Variants in ADCY8 observed in about 807,000 individuals in gnomAD.
ADCY8 encodes adenylate cyclase 8, also known as adenylate cyclase type 8.
In ADCY8, 51 loss-of-function variants were observed where a neutral mutation model predicts 119.7. The observed-to-expected ratio is 0.43, with a 90% CI of 0.34 to 0.54. The LOEUF (loss-of-function observed/expected upper bound fraction) is 0.54. Ranked by LOEUF, ADCY8 falls within the 20% of genes least tolerant of loss-of-function variation. ADCY8 has a pLI of 0.03. For synonymous variants in ADCY8, 665 were observed against 651.0 expected (o/e 1.02, Z -0.33); for missense variants, 1,383 against 1,598.8 (o/e 0.87, Z 2.30).
rs551950060 is a variant in ADCY8 at position 130,822,155 on chromosome 8, G to A, written c.2676-735C>T. On this transcript the variant is annotated intron_variant, in intron 12 of 17. Coordinates refer to ENST00000286355, the MANE Select transcript of ADCY8 (RefSeq NM_001115.3). Reference sequence around the variant, plus strand: ...ATAATTTTATAATATGATAAACTCCGTGGAAAGGATACATCCTTGTTGCCA... The same window carrying A: ...ATAATTTTATAATATGATAAACTCCATGGAAAGGATACATCCTTGTTGCCA... Among the ~76,000 whole-genome samples, 7 of 152,198 alleles carry A rather than the reference G, an allele frequency of 4.6e-5. No homozygotes were observed. The East Asian group carries it at 7.7e-4, about 17-fold the overall frequency.
chr8:130,943,718 G>A (rs1024746578), intron 3 of ADCY8, among the ~76,000 whole-genome samples: 2 of 152,040 alleles, frequency 1.3e-5, no homozygotes, highest in Admixed American at 6.5e-5. Context: ...GTGTAGAGTG[G>A]GCAATGCAAA....
chr8:130,903,595 A>G (rs1030739578), intron 7 of ADCY8, among the ~76,000 whole-genome samples, 177 bp downstream of exon 7: 1 of 151,084 alleles, frequency 6.6e-6, no homozygotes. Flanking sequence ...ATTTCCTGAA[A>G]TTGCATACGA....
At chr8:131,023,057 G>C (rs901412868) in intron 1 of ADCY8, among the ~76,000 whole-genome samples, 3 of 152,148 alleles carry the variant, frequency 2.0e-5, no homozygotes, top group African/African-American at 7.2e-5. Flanking sequence ...CTCTAGCTAG[G>C]TTAAACTCTC....
At chr8:131,037,040 T>C (rs772373393) in intron 1 of ADCY8, among the ~76,000 whole-genome samples, 12 of 152,208 alleles carry the variant, frequency 7.9e-5, no homozygotes, top group Non-Finnish European at 1.3e-4. Context: ...AAGCGATTTA[T>C]TCTCTACTTC....
intron 15 of ADCY8, among the ~76,000 whole-genome samples, chr8:130,799,547 A>G (rs972695281): frequency 1.3e-5 from 2 of 152,138 alleles, no homozygotes; most frequent in African/African-American, 4.8e-5. Context: ...AAATGCCATG[A>G]GTGCTGGCTG....
intron 1 of ADCY8, among the ~76,000 whole-genome samples, chr8:131,003,259 A>G (rs1022124832): frequency 6.0e-5 from 9 of 150,880 alleles, no homozygotes; most frequent in Admixed American, 5.3e-4. Flanking sequence ...GGAAGAAGTA[A>G]AAATGTTAAA....
intron 12 of ADCY8, among the ~76,000 whole-genome samples, chr8:130,828,513 T>C (rs1250157328): frequency 1.3e-5 from 2 of 152,186 alleles, no homozygotes; most frequent in Non-Finnish European, 2.9e-5. Flanking sequence ...GGAAACCGCA[T>C]GGTGTTTCAA....
At chr8:130,827,077 T>C (rs1340804272) in intron 12 of ADCY8, among the ~76,000 whole-genome samples, 1 of 152,184 alleles carries the variant, frequency 6.6e-6, no homozygotes, top group East Asian at 1.9e-4. Flanking sequence ...AAAGATGTTT[T>C]GTTGAATTAA....
chr8:130,853,452 G>A (rs1049197364), intron 9 of ADCY8, among the ~76,000 whole-genome samples: 1 of 152,230 alleles, frequency 6.6e-6, no homozygotes, highest in Non-Finnish European at 1.5e-5. Flanking sequence ...ATGAGGGCCA[G>A]CAGAGAAGAG....
At chr8:130,889,057 A>T (rs1346641970) in intron 7 of ADCY8, among the ~76,000 whole-genome samples, 1 of 152,162 alleles carries the variant, frequency 6.6e-6, no homozygotes, top group African/African-American at 2.4e-5. Context: ...AAATCAGCTT[A>T]CATAGTTACA....
chr8:130,990,666 C>T, intron 1 of ADCY8, 124 bp from the exon 2 acceptor site: 1 of 1,272,058 alleles, frequency 7.9e-7, no homozygotes, highest in Non-Finnish European at 1.1e-6. Flanking sequence ...TGTTTAATCG[C>T]ATGTTTGTAG....
At chr8:130,994,998 T>C (rs1822727008) in intron 1 of ADCY8, among the ~76,000 whole-genome samples, 1 of 152,174 alleles carries the variant, frequency 6.6e-6, no homozygotes, top group Admixed American at 6.5e-5. Flanking sequence ...ATTATGATTT[T>C]AATGTCAATT....
intron 1 of ADCY8, among the ~76,000 whole-genome samples, chr8:131,035,493 C>A (rs866727397): frequency 6.6e-6 from 1 of 152,064 alleles, no homozygotes; most frequent in African/African-American, 2.4e-5. Flanking sequence ...TCCTGAGTGG[C>A]CCCTTTTAGG....
intron 1 of ADCY8, among the ~76,000 whole-genome samples, chr8:131,000,718 C>A (rs1822916878): frequency 6.6e-6 from 1 of 152,126 alleles, no homozygotes; most frequent in Admixed American, 6.6e-5. Flanking sequence ...TGAGTCTCTG[C>A]TGGACTAACA....
intron 6 of ADCY8, among the ~76,000 whole-genome samples, chr8:130,909,188 G>T (rs1819894776): frequency 6.6e-6 from 1 of 152,136 alleles, no homozygotes; most frequent in Admixed American, 6.6e-5. Context: ...AGTTGCAGTG[G>T]CCTTTGCAGA....
rs761952297 is a variant in ADCY8, at chr8:131,039,714, G to A, written c.620C>T (p.Pro207Leu). 9.3e-6 allele frequency: 15 copies of A among 1,614,022 alleles called. No individual in the cohort carries two copies. The highest frequency in any genetic ancestry group is 1.3e-5 in the Non-Finnish European group (15 of 1,180,040). The change falls in exon 1 of 18, where the codon CCC becomes CTC. Residue 207 changes from proline (P) to leucine (L), a missense_variant. Physicochemically the swap from Pro to Leu is moderately conservative, Grantham distance 98 (BLOSUM62 -3). This residue lies in a region of ADCY8 where 455 missense variants were observed against 435.3 expected (regional missense o/e 1.05). Coordinates refer to ENST00000286355, the MANE Select transcript of ADCY8 (RefSeq NM_001115.3). ...CAGGATGCCCTTGAGCGGGTCCATG[G>A]GGGCCGAGGCCAGGCTCAAGTGTAG... ...LVLHLSLASA[P>L]MDPLKGILLG...
chr8:130,905,019 T>A (rs1819734955), intron 6 of ADCY8, among the ~76,000 whole-genome samples: 1 of 152,146 alleles, frequency 6.6e-6, no homozygotes, highest in Non-Finnish European at 1.5e-5. Context: ...CTTGGGCAAA[T>A]TACTTAGCCT....
At chr8:130,930,797 G>A (rs919896876) in intron 5 of ADCY8, among the ~76,000 whole-genome samples, 6 of 152,024 alleles carry the variant, frequency 3.9e-5, no homozygotes, top group Admixed American at 2.0e-4. Context: ...ATCATTTGTA[G>A]TAGTTTTGTT....
At chr8:130,806,793 T>G (rs365538) in intron 14 of ADCY8, among the ~76,000 whole-genome samples, 141,521 of 152,170 alleles carry the variant, frequency 0.93, 65,905 homozygotes, top group Middle Eastern at 0.95. Context: ...CCTGAGGGCC[T>G]AGCAGGTCAC....
Sources: gnomAD v4.1 joint callset for allele counts (sites outside exome capture counted in the v4.1 genomes callset) on GRCh38, gnomAD v4.1.1 for gene constraint, gnomAD v4.1.1 regional missense constraint, MANE v1.5 for transcripts, NCBI Gene and HGNC (gene_info 2026-07-23, HGNC 2026-07-21) for gene names.